Variants in GRM1 observed in about 807,000 individuals in gnomAD.
The protein encoded by GRM1 is metabotropic glutamate receptor 1.
Under a neutral mutation model 90.9 loss-of-function variants are expected in GRM1, and 33 were observed. The ratio of observed to expected loss-of-function variants is 0.36; its 90% CI spans 0.28 to 0.49. The LOEUF (loss-of-function observed/expected upper bound fraction) is 0.49, where lower values mean the gene tolerates loss of function less well. Ranked by LOEUF, GRM1 falls within the 20% of genes least tolerant of loss-of-function variation. The pLI is 0.99. For missense variants in GRM1, 1,190 were observed against 1,534.3 expected, an observed-to-expected ratio of 0.78 and a Z score of 3.75; for synonymous variants, 700 against 613.2, an observed-to-expected ratio of 1.14 and a Z score of -2.09.
chr6:146,049,106 T>G (rs1025396148), intron 1 of GRM1, among the ~76,000 whole-genome samples: 1 of 151,950 alleles, frequency 6.6e-6, no homozygotes, highest in Non-Finnish European at 1.5e-5. Context: ...TTATCGACTA[T>G]TAATTGCTTA....
intron 5 of GRM1, among the ~76,000 whole-genome samples, chr6:146,359,180 T>A (rs362841): frequency 0.23 from 35,096 of 152,136 alleles, 4,908 homozygotes; most frequent in African/African-American, 0.4. Flanking sequence ...GATTCCTGAC[T>A]AGGTGGAATA....
intron 2 of GRM1, among the ~76,000 whole-genome samples, chr6:146,277,287 T>C (rs1437730696): frequency 1.3e-5 from 2 of 152,204 alleles, no homozygotes; most frequent in African/African-American, 2.4e-5. Context: ...GAAAGGCCTG[T>C]CTGCCTTTGG....
At chr6:146,087,070 TC>T (rs1192704696) in intron 1 of GRM1, among the ~76,000 whole-genome samples, 1 of 152,102 alleles carries the variant, frequency 6.6e-6, no homozygotes, top group East Asian at 1.9e-4. Flanking sequence ...AAATCAACTT[TC>T]AAAATTTATG....
At chr6:146,030,954 C>CT (rs1270375956) in intron 1 of GRM1, among the ~76,000 whole-genome samples, 3 of 152,054 alleles carry the variant, frequency 2.0e-5, no homozygotes, top group African/African-American at 4.8e-5. Flanking sequence ...GGTTTCTAGT[C>CT]TTTTTTCTTC....
In GRM1 at chr6:146,140,090, A is replaced by ATTCTTTCTTTCTTTCTTTCT. The variant is rs766023029; in HGVS notation, c.701-19226_701-19207dup. 7.2e-3 allele frequency among the ~76,000 whole-genome samples: 419 copies of ATTCTTTCTTTCTTTCTTTCT among 57,866 alleles called. 12 individuals are homozygous for ATTCTTTCTTTCTTTCTTTCT. Among genetic ancestry groups the ATTCTTTCTTTCTTTCTTTCT allele is most frequent in the East Asian group, 0.012 (22 of 1,812 alleles). The allele number at this position is 57,866 out of a possible 152,430, so 38.0% of individuals were successfully genotyped here. On this transcript the variant is annotated intron_variant, in intron 1 of 7. Coordinates refer to ENST00000282753, the MANE Select transcript of GRM1 (RefSeq NM_001278064.2). ...CTCTTCTTTTCTCCTTTCTTTCTTT[A>ATTCTTTCTTTCTTTCTTTCT]TTCTTTCTTTCTTTCTTTCTTTCTT...
At chr6:146,424,985 C>T (rs188654512) in intron 7 of GRM1, among the ~76,000 whole-genome samples, 38 of 152,200 alleles carry the variant, frequency 2.5e-4, no homozygotes, top group African/African-American at 9.2e-4. Context: ...GGGCATATTA[C>T]CTTGATAAGT....
intron 1 of GRM1, among the ~76,000 whole-genome samples, chr6:146,086,042 A>G (rs751214827): frequency 3.3e-5 from 5 of 152,112 alleles, no homozygotes; most frequent in Non-Finnish European, 7.4e-5. Context: ...GGGGTATATG[A>G]GTGGAATAGA....
chr6:146,056,126 G>A (rs1775472125), intron 1 of GRM1, among the ~76,000 whole-genome samples: 1 of 152,110 alleles, frequency 6.6e-6, no homozygotes, highest in African/African-American at 2.4e-5. Flanking sequence ...AAGTTGACAT[G>A]TTTGGAATGC....
chr6:146,328,946 G>A (rs576983917), intron 3 of GRM1, among the ~76,000 whole-genome samples: 1 of 152,152 alleles, frequency 6.6e-6, no homozygotes, highest in Non-Finnish European at 1.5e-5. Context: ...GGCAGGCTAT[G>A]CCAGTGGCGT....
intron 2 of GRM1, 143 bp from the exon 3 acceptor site, chr6:146,304,468 C>CAA: frequency 1.5e-6 from 1 of 675,792 alleles, no homozygotes; most frequent in Non-Finnish European, 2.7e-6. Context: ...TACTCTCTAC[C>CAA]AAAAAAAAAG....
At chr6:146,073,940 A>G (rs1300887690) in intron 1 of GRM1, among the ~76,000 whole-genome samples, 1 of 152,198 alleles carries the variant, frequency 6.6e-6, no homozygotes, top group African/African-American at 2.4e-5. Context: ...GACACTATTT[A>G]GAAATATTGA....
chr6:146,344,832 A>G (rs1303298945), intron 3 of GRM1, among the ~76,000 whole-genome samples: 1 of 151,214 alleles, frequency 6.6e-6, no homozygotes, highest in East Asian at 1.9e-4. Context: ...TTTTTTTGAG[A>G]CGGAGTTTCA....
chr6:146,430,409 T>G (rs1317009861), intron 7 of GRM1, among the ~76,000 whole-genome samples: 1 of 152,220 alleles, frequency 6.6e-6, no homozygotes, highest in Non-Finnish European at 1.5e-5. Flanking sequence ...GCATTTGATC[T>G]TCAAATATAA....
intron 5 of GRM1, among the ~76,000 whole-genome samples, chr6:146,378,891 G>A (rs1776211744): frequency 6.6e-6 from 1 of 152,122 alleles, no homozygotes; most frequent in South Asian, 2.1e-4. Context: ...ATTTTATAAA[G>A]GTGAGTTTCC....
At chr6:146,370,772 G>T (rs923196990) in intron 5 of GRM1, among the ~76,000 whole-genome samples, 1 of 151,754 alleles carries the variant, frequency 6.6e-6, no homozygotes, top group Non-Finnish European at 1.5e-5. Context: ...CTTGTGCAAG[G>T]TATTGGGTCC....
chr6:146,228,009 C>T (rs542777338), intron 2 of GRM1, among the ~76,000 whole-genome samples: 2 of 152,248 alleles, frequency 1.3e-5, no homozygotes, highest in Admixed American at 6.5e-5. Flanking sequence ...GAAACACTTA[C>T]TCTCAAAGTT....
intron 1 of GRM1, among the ~76,000 whole-genome samples, chr6:146,143,725 A>G (rs1360730073): frequency 6.6e-6 from 1 of 152,244 alleles, no homozygotes; most frequent in Non-Finnish European, 1.5e-5. Context: ...TGTTGAAAAA[A>G]ATCTGCTAAG....
chr6:146,349,253 T>A (rs946634585), intron 3 of GRM1, among the ~76,000 whole-genome samples: 1 of 150,690 alleles, frequency 6.6e-6, no homozygotes, highest in Non-Finnish European at 1.5e-5. Context: ...TTTATTTTTT[T>A]TTTATTTTTA....
intron 2 of GRM1, among the ~76,000 whole-genome samples, chr6:146,292,533 G>A (rs1032456296): frequency 6.6e-6 from 1 of 151,844 alleles, no homozygotes; most frequent in Non-Finnish European, 1.5e-5. Context: ...CACATCATTA[G>A]CCATTACAAA....
Sources: gnomAD v4.1 joint callset for allele counts (sites outside exome capture counted in the v4.1 genomes callset) on GRCh38, gnomAD v4.1.1 for gene constraint, MANE v1.5 for transcripts, NCBI Gene and HGNC (gene_info 2026-07-23, HGNC 2026-07-21) for gene names.